Variants in C9orf72 observed in about 807,000 individuals in gnomAD.
C9orf72 encodes guanine nucleotide exchange factor C9orf72.
A neutral mutation model predicts 51.6 loss-of-function variants in C9orf72; 44 were observed. The ratio of observed to expected loss-of-function variants is 0.85; its 90% CI spans 0.67 to 1.10. C9orf72 has a LOEUF of 1.10. C9orf72 is among the 50% of genes least tolerant of loss of function. C9orf72 has a pLI of 0.00. For missense variants in C9orf72, 607 were observed against 570.6 expected, an observed-to-expected ratio of 1.06 and a Z score of -0.65; for synonymous variants, 213 against 194.2, an observed-to-expected ratio of 1.10 and a Z score of -0.81.
At chr9:27,566,168 T>C (rs748058203) in intron 2 of C9orf72, among the ~76,000 whole-genome samples, 1 of 152,158 alleles carries the variant, frequency 6.6e-6, no homozygotes, top group African/African-American at 2.4e-5. Flanking sequence ...CTACAGGATT[T>C]AGGAAAACAA....
At chr9:27,571,029 C>T (rs1362335778) in intron 1 of C9orf72, 1 of 152,156 alleles carries the variant, frequency 6.6e-6, no homozygotes, top group African/African-American at 2.4e-5. Flanking sequence ...AATTATTTTA[C>T]TAATACTTGA....
chr9:27,548,695 T>A (rs773541376), intron 9 of C9orf72, 29 bp from the exon 10 acceptor site: 21 of 1,305,624 alleles, frequency 1.6e-5, no homozygotes, highest in Non-Finnish European at 2.0e-5. Flanking sequence ...TTTCAACACA[T>A]AATTTGCTCA....
In C9orf72 at chr9:27,548,562, G is replaced by C; in HGVS notation, c.1254C>G (p.Asp418Glu). 4 of 1,574,676 alleles carry C rather than the reference G, an allele frequency of 2.5e-6. No homozygotes were observed. Among genetic ancestry groups the C allele is most frequent in the Non-Finnish European group, 3.5e-6 (4 of 1,145,268 alleles). Residue 418 changes from aspartate to glutamate, a missense_variant, in exon 10 of 11, where the codon GAC (aspartate) becomes GAG (glutamate). Asp to Glu is a conservative substitution (Grantham distance 45). Transcript: ENST00000380003. Reference protein sequence around the residue: ...KALTLIKYIEDDTQKGKKPFK... With the variant: ...KALTLIKYIEEDTQKGKKPFK... Reference sequence around the variant, plus strand: ...CGTGTAGGAGTTTTACTCACGTATCGTCTTCTATATATTTTATTAGTGTCA... The same window carrying C: ...CGTGTAGGAGTTTTACTCACGTATCCTCTTCTATATATTTTATTAGTGTCA...
intron 6 of C9orf72, chr9:27,559,363 A>T (rs763219305): frequency 2.0e-5 from 3 of 151,968 alleles, no homozygotes; most frequent in Non-Finnish European, 4.4e-5. Context: ...TTTGGAGATC[A>T]CAGATGGAAA....
At chr9:27,573,521 CA>C (rs1316415315), upstream of C9orf72, 8 of 92,900 alleles carry the variant, frequency 8.6e-5, no homozygotes, top group East Asian at 1.7e-3. Context: ...CCGCCCCGAC[CA>C]CGCCCCGGCC....
upstream of C9orf72, chr9:27,573,700 A>C (rs1229927868): frequency 1.3e-5 from 2 of 152,410 alleles, no homozygotes; most frequent in Non-Finnish European, 2.9e-5. Context: ...GAAAAACAAA[A>C]ACACACACCT....
Position 27,548,295 on chromosome 9 carries a change from TAA to T in C9orf72, c.1385_1386del (p.Phe462TyrfsTer9), listed in dbSNP as rs753188234. On this transcript the variant is annotated frameshift_variant, in exon 11 of 11. Coordinates refer to ENST00000380003, the MANE Select transcript of C9orf72 (RefSeq NM_018325.5). LOFTEE classifies it high-confidence loss of function. ...CTAGTGTAGAAAGGTCTTCCAAAGA[TAA>T]AAGAGTGTAGGCCTGGTTTAATTTT... ...AEKIKPGLHSFIFGRPFYTSV... is the reference protein window; with the variant it reads ...AEKIKPGLHSXIFGRPFYTSV... The T allele has an allele frequency of 2.5e-6, 4 of 1,613,046 alleles. No individual in the cohort carries two copies. The highest frequency in any genetic ancestry group is 1.3e-5 in the African/African-American group (1 of 74,828).
At chr9:27,560,191 G>A (rs772918404) in intron 6 of C9orf72, 36 bp downstream of exon 6, 2 of 1,361,808 alleles carry the variant, frequency 1.5e-6, no homozygotes, top group South Asian at 1.2e-5. Context: ...CAGTCTTAAA[G>A]AGTCAAATCA....
In C9orf72 at chr9:27,548,544, G is replaced by T; in HGVS notation, c.1259+13C>A. Reference sequence around the variant, plus strand: ...GTACAAAGGTTTTTCTTCCGTGTAGGAGTTTTACTCACGTATCGTCTTCTA... The same window carrying T: ...GTACAAAGGTTTTTCTTCCGTGTAGTAGTTTTACTCACGTATCGTCTTCTA... On this transcript the variant is annotated intron_variant, in intron 10 of 10. Transcript: ENST00000380003. 1 of 1,534,140 alleles carries T rather than the reference G, an allele frequency of 6.5e-7. No homozygotes were observed. Among genetic ancestry groups the T allele is most frequent in the South Asian group, 1.1e-5 (1 of 88,788 alleles).
In C9orf72 at chr9:27,566,953, A is replaced by G. The variant is rs1454136775; in HGVS notation, c.168T>C (p.Asp56=). The G allele has an allele frequency of 6.2e-7, 1 of 1,614,110 alleles. No individual in the cohort carries two copies. Among genetic ancestry groups the G allele is most frequent in the Admixed American group, 1.7e-5 (1 of 60,024 alleles). ...APKTEQVLLS[D]GEITFLANHT... ...GGTTGGCAAGAAAAGTTATTTCTCCATCACTGAGAAGTACCTGTTCTGTCT... is the reference window on the plus strand; with the variant it reads ...GGTTGGCAAGAAAAGTTATTTCTCCGTCACTGAGAAGTACCTGTTCTGTCT... The change falls in exon 2 of 11, where the codon GAT becomes GAC. Residue 56 remains aspartate (D), a synonymous_variant. Coordinates refer to ENST00000380003, the MANE Select transcript of C9orf72 (RefSeq NM_018325.5).
chr9:27,551,106 A>G (rs1033165850), intron 8 of C9orf72, among the ~76,000 whole-genome samples: 3 of 152,164 alleles, frequency 2.0e-5, no homozygotes, highest in Non-Finnish European at 2.9e-5. Context: ...AAAACAAACC[A>G]GCAACAAAAA....
intron 1 of C9orf72, among the ~76,000 whole-genome samples, chr9:27,572,732 T>C (rs1364095566): frequency 6.6e-6 from 1 of 152,134 alleles, no homozygotes; most frequent in Non-Finnish European, 1.5e-5. Flanking sequence ...CACACGGACA[T>C]GTAATCTGTG....
intron 10 of C9orf72, 49 bp downstream of exon 10, chr9:27,548,508 A>G (rs1466667629): frequency 6.8e-7 from 1 of 1,473,068 alleles, no homozygotes; most frequent in Admixed American, 2.1e-5. Context: ...GAAACAAAAC[A>G]AAAAAACAAT....
intron 3 of C9orf72, among the ~76,000 whole-genome samples, chr9:27,565,000 T>C (rs1339637666): frequency 2.0e-5 from 3 of 152,162 alleles, no homozygotes; most frequent in African/African-American, 7.2e-5. Context: ...CATGGCACAT[T>C]TTCCTAGAGG....
Position 27,556,717 on chromosome 9 carries a change from A to G in C9orf72, c.935T>C (p.Val312Ala). 2 of 1,613,998 alleles carry G rather than the reference A, an allele frequency of 1.2e-6. No homozygotes were observed. The highest frequency in any genetic ancestry group is 3.3e-5 in the Admixed American group (2 of 60,008). ...PYPTTHIDVD[V>A]NTVKQMPPCH... The stretch of plus-strand genomic sequence containing the variant: ...GGGTGGCATCTGCTTCACAGTATTG[A>G]CATCCACATCTATGTGTGTGGTGGG... Residue 312 changes from valine (V) to alanine (A), a missense_variant, in exon 8 of 11, where the codon GTC becomes GCC. Val to Ala is a moderately conservative substitution (Grantham distance 64, BLOSUM62 0). Transcript: ENST00000380003.
At chr9:27,549,482 A>G (rs948071207) in intron 9 of C9orf72, among the ~76,000 whole-genome samples, 22 of 152,196 alleles carry the variant, frequency 1.4e-4, no homozygotes, top group Non-Finnish European at 1.0e-4. Flanking sequence ...TGAACTTCGC[A>G]ATATGTCACA....
At chr9:27,557,332 A>G (rs1819224410) in intron 7 of C9orf72, among the ~76,000 whole-genome samples, 1 of 152,168 alleles carries the variant, frequency 6.6e-6, no homozygotes, top group African/African-American at 2.4e-5. Flanking sequence ...TTTCCTAATC[A>G]GTTGGGGTAG....
At chr9:27,571,625 T>C (rs1819588216) in intron 1 of C9orf72, among the ~76,000 whole-genome samples, 1 of 152,086 alleles carries the variant, frequency 6.6e-6, no homozygotes, top group African/African-American at 2.4e-5. Flanking sequence ...CCGGCTAAGT[T>C]TTTAATTTTT....
At chr9:27,568,231 G>A (rs1819513726) in intron 1 of C9orf72, among the ~76,000 whole-genome samples, 1 of 151,970 alleles carries the variant, frequency 6.6e-6, no homozygotes, top group Non-Finnish European at 1.5e-5. Context: ...CGACATTGAA[G>A]TATCAAGACA....
Sources: allele counts gnomAD v4.1 joint callset (sites outside exome capture counted in the v4.1 genomes callset), GRCh38; gene constraint gnomAD v4.1.1; transcripts MANE v1.5; gene names NCBI Gene and HGNC (gene_info 2026-07-23, HGNC 2026-07-21).